Variants in DENND1A observed in about 807,000 individuals in gnomAD.
DENND1A encodes DENN domain-containing protein 1A.
Under a neutral mutation model 113.7 loss-of-function variants are expected in DENND1A, and 51 were observed. That is an observed-to-expected ratio of 0.45 (90% CI 0.36 to 0.57). The LOEUF is 0.57. Among genes scored for constraint, DENND1A ranks in the 20% least tolerant of loss-of-function variants. The probability of loss-of-function intolerance (pLI) is 0.00; values close to 1 mark genes in which losing one functional copy is unlikely to be tolerated. For missense variants in DENND1A, 1,258 were observed against 1,395.9 expected, an observed-to-expected ratio of 0.90 and a Z score of 1.57; for synonymous variants, 565 against 570.8, an observed-to-expected ratio of 0.99 and a Z score of 0.14.
chr9:123,777,705 T>C (rs1447411335), intron 3 of DENND1A, among the ~76,000 whole-genome samples: 2 of 152,210 alleles, frequency 1.3e-5, no homozygotes, highest in African/African-American at 4.8e-5. Context: ...TTAGCTCTTG[T>C]ATGAGAATAA....
chr9:123,619,366 T>C (rs924166787), intron 10 of DENND1A, among the ~76,000 whole-genome samples: 1 of 152,206 alleles, frequency 6.6e-6, no homozygotes, highest in African/African-American at 2.4e-5. Context: ...GTGGATTAGA[T>C]AGTTGGAATA....
At chr9:123,529,486 A>T (rs1398706528) in intron 13 of DENND1A, among the ~76,000 whole-genome samples, 2 of 152,224 alleles carry the variant, frequency 1.3e-5, no homozygotes, top group African/African-American at 4.8e-5. Flanking sequence ...TCTGCCCAAT[A>T]AAATAAAACC....
At chr9:123,431,038 CTG>C (rs1378599114) in intron 19 of DENND1A, among the ~76,000 whole-genome samples, 1 of 152,072 alleles carries the variant, frequency 6.6e-6, no homozygotes, top group Non-Finnish European at 1.5e-5. Flanking sequence ...AACCAAAAAA[CTG>C]GGGTCTGATG....
chr9:123,752,979 G>C (rs554250640), intron 5 of DENND1A, among the ~76,000 whole-genome samples: 1 of 152,274 alleles, frequency 6.6e-6, no homozygotes, highest in Non-Finnish European at 1.5e-5. Flanking sequence ...TTCTTCAGTG[G>C]CAGGAACTAG....
chr9:123,763,941 A>G (rs956913844), intron 4 of DENND1A, among the ~76,000 whole-genome samples: 2 of 152,190 alleles, frequency 1.3e-5, no homozygotes, highest in African/African-American at 4.8e-5. Context: ...AGAATCAGAA[A>G]GCAACTGAGT....
At chr9:123,527,619 C>G (rs1417386731) in intron 13 of DENND1A, among the ~76,000 whole-genome samples, 1 of 152,102 alleles carries the variant, frequency 6.6e-6, no homozygotes, top group Non-Finnish European at 1.5e-5. Flanking sequence ...TAGTTGGGTA[C>G]CCCCCTTGGA....
At chr9:123,632,917 A>C in intron 9 of DENND1A, among the ~76,000 whole-genome samples, 1 of 151,566 alleles carries the variant, frequency 6.6e-6, no homozygotes, top group Non-Finnish European at 1.5e-5. Context: ...TAATATTATT[A>C]TTATTATTGA....
At chr9:123,410,581 G>GGGGAA (rs1242247295) in intron 20 of DENND1A, among the ~76,000 whole-genome samples, 77 of 151,946 alleles carry the variant, frequency 5.1e-4, no homozygotes, top group African/African-American at 1.8e-3. Context: ...CACCCACAGC[G>GGGGAA]GGGAAGGGAA....
At chr9:123,876,295 A>G (rs1847452794) in intron 2 of DENND1A, among the ~76,000 whole-genome samples, 1 of 152,234 alleles carries the variant, frequency 6.6e-6, no homozygotes, top group South Asian at 2.1e-4. Context: ...AATGGACTGC[A>G]TGATTCCGGA....
intron 3 of DENND1A, among the ~76,000 whole-genome samples, chr9:123,777,871 C>T (rs994412034): frequency 6.6e-6 from 1 of 152,130 alleles, no homozygotes; most frequent in Non-Finnish European, 1.5e-5. Context: ...TTGATTAGAA[C>T]GTCTCACTAA....
Position 123,469,792 on chromosome 9 carries a change from G to C in DENND1A, c.994-11895C>G, listed in dbSNP as rs1263487766. Among the ~76,000 whole-genome samples the C allele has an allele frequency of 3.3e-5, 5 of 152,220 alleles. No homozygotes were observed. The South Asian group carries it at 1.0e-3, about 32-fold the overall frequency. On this transcript the variant is annotated intron_variant, in intron 13 of 23. Coordinates refer to ENST00000394215, the MANE Select transcript of DENND1A (RefSeq NM_001352964.2). Reference sequence around the variant, plus strand: ...CTTACTCCTCACAGCATCGCGTGAGGTAGGTAGGATGATGATCTCCATTTT... The same window carrying C: ...CTTACTCCTCACAGCATCGCGTGAGCTAGGTAGGATGATGATCTCCATTTT...
At chr9:123,591,063 T>C (rs1350165691) in intron 11 of DENND1A, among the ~76,000 whole-genome samples, 2 of 152,210 alleles carry the variant, frequency 1.3e-5, no homozygotes, top group African/African-American at 4.8e-5. Context: ...AAAGCCAATG[T>C]CCCTAGAGAT....
At position 123,807,107 on chromosome 9, in the gene DENND1A, A is replaced by G. The variant is rs567834017; in HGVS notation, c.89-14477T>C. Among the ~76,000 whole-genome samples the G allele has an allele frequency of 2.0e-4, 30 of 152,354 alleles. 1 individual carries two copies. Among genetic ancestry groups the G allele is most frequent in the African/African-American group, 6.7e-4 (28 of 41,576 alleles). ...AACTCAAAATACAAAGATTTATCAT[A>G]CTGTAATAGCAGTTATCATTTTTTA... On this transcript the variant is annotated intron_variant, in intron 2 of 23. Transcript: ENST00000394215.
At chr9:123,922,007 C>T (rs1235697575) in intron 1 of DENND1A, among the ~76,000 whole-genome samples, 9 of 151,894 alleles carry the variant, frequency 5.9e-5, no homozygotes, top group Admixed American at 3.9e-4. Context: ...CTGCAACCTC[C>T]GTCTCCTGAG....
At chr9:123,414,504 G>A in intron 19 of DENND1A, 1 of 1,545,612 alleles carries the variant, frequency 6.5e-7, no homozygotes, top group South Asian at 1.2e-5. Flanking sequence ...GACGCATTGT[G>A]TGAAGGGAAA....
chr9:123,499,828 T>C (rs1270055098), intron 13 of DENND1A, among the ~76,000 whole-genome samples: 1 of 152,200 alleles, frequency 6.6e-6, no homozygotes, highest in Non-Finnish European at 1.5e-5. Flanking sequence ...CTCTTCCGGC[T>C]CACAGCAAAC....
At chr9:123,841,699 T>C (rs571473227) in intron 2 of DENND1A, among the ~76,000 whole-genome samples, 19 of 152,200 alleles carry the variant, frequency 1.2e-4, no homozygotes, top group African/African-American at 4.6e-4. Flanking sequence ...CCTGAAGGAA[T>C]TGGTGCAGGG....
At chr9:123,717,166 A>G (rs1012049769) in intron 5 of DENND1A, among the ~76,000 whole-genome samples, 2 of 152,134 alleles carry the variant, frequency 1.3e-5, no homozygotes, top group Non-Finnish European at 2.9e-5. Context: ...CTGGTCAGAT[A>G]GTTGGCAAGT....
At chr9:123,755,246 C>G (rs1478035264) in intron 5 of DENND1A, among the ~76,000 whole-genome samples, 1 of 151,898 alleles carries the variant, frequency 6.6e-6, no homozygotes, top group Non-Finnish European at 1.5e-5. Context: ...CCTCAGCCAC[C>G]CAAGTAGTTG....
Sources: allele counts gnomAD v4.1 joint callset (sites outside exome capture counted in the v4.1 genomes callset), GRCh38; gene constraint gnomAD v4.1.1; transcripts MANE v1.5; gene names NCBI Gene and HGNC (gene_info 2026-07-23, HGNC 2026-07-21).